The following THSD7B variants were observed in gnomAD, a reference collection of about 807,000 sequenced individuals.
THSD7B encodes the protein thrombospondin type-1 domain-containing protein 7B.
A neutral mutation model predicts 213.6 loss-of-function variants in THSD7B; 138 were observed. The ratio of observed to expected loss-of-function variants is 0.65; its 90% CI spans 0.56 to 0.74. The LOEUF (loss-of-function observed/expected upper bound fraction) is 0.74, where lower values mean the gene tolerates loss of function less well. THSD7B is among the 30% of genes least tolerant of loss of function. THSD7B has a pLI of 0.00. For synonymous variants in THSD7B, 742 were observed against 687.0 expected (o/e 1.08, Z -1.25); for missense variants, 1,931 against 1,991.5 (o/e 0.97, Z 0.58).
intron 2 of THSD7B, among the ~76,000 whole-genome samples, chr2:136,888,558 G>A (rs936552615): frequency 1.3e-5 from 2 of 151,966 alleles, no homozygotes; most frequent in African/African-American, 4.8e-5. Context: ...TTTTACTTAT[G>A]TTGACATCAT....
At chr2:137,631,842 C>T (rs7581430) in intron 20 of THSD7B, among the ~76,000 whole-genome samples, 42,208 of 151,872 alleles carry the variant, frequency 0.28, 6,205 homozygotes, top group African/African-American at 0.34. Flanking sequence ...GATGTCGGAC[C>T]ACTCACTCAT....
rs947234822 is a variant in THSD7B, at chr2:136,814,240, A to G, written c.-36+48553A>G. Among the ~76,000 whole-genome samples the G allele has an allele frequency of 7.9e-5, 12 of 152,314 alleles. No homozygotes were observed. The South Asian group carries it at 1.9e-3, about 24-fold the overall frequency. On this transcript the variant is annotated intron_variant, in intron 1 of 27. Transcript: ENST00000409968. ...AGTGGGTTTTAATGGGAATAAGTGG[A>G]AAAGTAAAAGCTCTGTTATACACTC... is the stretch of plus-strand genomic sequence containing the variant.
chr2:137,060,436 C>T (rs1687249967), intron 3 of THSD7B, among the ~76,000 whole-genome samples: 1 of 151,356 alleles, frequency 6.6e-6, no homozygotes, highest in East Asian at 1.9e-4. Context: ...ATCACTAAAC[C>T]CAAAGTCAAC....
chr2:137,309,803 A>T (rs548876546), intron 12 of THSD7B, among the ~76,000 whole-genome samples: 1 of 152,150 alleles, frequency 6.6e-6, no homozygotes, highest in East Asian at 1.9e-4. Flanking sequence ...GATGATTTCC[A>T]ATTTCATCCA....
intron 17 of THSD7B, among the ~76,000 whole-genome samples, chr2:137,585,169 G>A (rs1362213717): frequency 1.3e-5 from 2 of 152,044 alleles, no homozygotes; most frequent in African/African-American, 4.8e-5. Flanking sequence ...GTATTTCTGT[G>A]GGATCAGTGG....
chr2:137,173,827 T>C (rs1680311985), intron 7 of THSD7B, among the ~76,000 whole-genome samples: 1 of 152,206 alleles, frequency 6.6e-6, no homozygotes, highest in African/African-American at 2.4e-5. Flanking sequence ...GTGCTCCTGT[T>C]TGACTCCTAC....
intron 7 of THSD7B, among the ~76,000 whole-genome samples, chr2:137,209,641 T>C (rs1681057964): frequency 6.6e-6 from 1 of 152,138 alleles, no homozygotes; most frequent in African/African-American, 2.4e-5. Context: ...ATCATTCCAA[T>C]GATGCCTAAT....
At chr2:137,617,993 T>C (rs1682439810) in intron 18 of THSD7B, among the ~76,000 whole-genome samples, 1 of 152,162 alleles carries the variant, frequency 6.6e-6, no homozygotes, top group Non-Finnish European at 1.5e-5. Context: ...TTTGCAGGGG[T>C]ACACAAACAT....
At chr2:136,940,442 C>T (rs1439739699) in intron 2 of THSD7B, among the ~76,000 whole-genome samples, 1 of 151,822 alleles carries the variant, frequency 6.6e-6, no homozygotes, top group Non-Finnish European at 1.5e-5. Context: ...TTTGATAAAG[C>T]CTTAATATTT....
At chr2:137,067,822 C>T (rs1406290749) in intron 3 of THSD7B, among the ~76,000 whole-genome samples, 1 of 152,026 alleles carries the variant, frequency 6.6e-6, no homozygotes, top group Non-Finnish European at 1.5e-5. Flanking sequence ...TTCAAAATGC[C>T]TACTTTTCCT....
At chr2:137,163,587 C>T (rs1312124170) in intron 6 of THSD7B, among the ~76,000 whole-genome samples, 2 of 152,218 alleles carry the variant, frequency 1.3e-5, no homozygotes, top group African/African-American at 2.4e-5. Flanking sequence ...AGGCATGGCA[C>T]AGATTCTTCT....
chr2:137,309,622 C>T (rs759460064), intron 12 of THSD7B, among the ~76,000 whole-genome samples: 2 of 152,038 alleles, frequency 1.3e-5, no homozygotes, highest in Non-Finnish European at 2.9e-5. Context: ...CGTCATCTAG[C>T]ATTAGGTATA....
At chr2:136,870,814 C>G (rs1683419982) in intron 1 of THSD7B, among the ~76,000 whole-genome samples, 4 of 152,136 alleles carry the variant, frequency 2.6e-5, no homozygotes, top group Admixed American at 2.6e-4. Context: ...AGATTTTATC[C>G]TGTGATTGAA....
intron 12 of THSD7B, among the ~76,000 whole-genome samples, chr2:137,372,995 A>G (rs1049068847): frequency 5.9e-4 from 90 of 151,650 alleles, no homozygotes; most frequent in Admixed American, 1.2e-3. Context: ...ATGATTTCCA[A>G]TTTCATCCAT....
intron 7 of THSD7B, among the ~76,000 whole-genome samples, chr2:137,188,669 T>G (rs1471921120): frequency 2.0e-5 from 3 of 152,186 alleles, no homozygotes; most frequent in Non-Finnish European, 2.9e-5. Flanking sequence ...TGACACTTTG[T>G]GGAATTGTTT....
Position 136,968,061 on chromosome 2 carries a change from A to T in THSD7B, c.139+85744A>T, listed in dbSNP as rs149930948. Among the ~76,000 whole-genome samples the T allele has an allele frequency of 5.7e-3, 868 of 152,270 alleles. 8 individuals carry two copies. The highest frequency in any genetic ancestry group is 0.019 in the African/African-American group (796 of 41,560). The stretch of plus-strand genomic sequence containing the variant: ...TGTTTTCATTTTTATTATTACAAAC[A>T]GTGCTGCTCTGAACATTTTATGACT... On this transcript the variant is annotated intron_variant, in intron 2 of 27. Transcript: ENST00000409968.
intron 12 of THSD7B, among the ~76,000 whole-genome samples, chr2:137,349,273 T>G (rs373702356): frequency 6.6e-6 from 1 of 151,792 alleles, no homozygotes; most frequent in East Asian, 1.9e-4. Flanking sequence ...TTTGTGATTT[T>G]TAACAGCATT....
chr2:136,946,241 G>A (rs1261560013), intron 2 of THSD7B, among the ~76,000 whole-genome samples: 3 of 152,190 alleles, frequency 2.0e-5, no homozygotes, highest in Non-Finnish European at 4.4e-5. Context: ...GTCTGTTGGA[G>A]TGTGCTGGAG....
chr2:137,589,892 A>G (rs1312438517), intron 17 of THSD7B, among the ~76,000 whole-genome samples: 1 of 152,196 alleles, frequency 6.6e-6, no homozygotes, highest in Non-Finnish European at 1.5e-5. Flanking sequence ...TTAGATTGAG[A>G]TCATTTATGA....
Sources: allele counts gnomAD v4.1 joint callset (sites outside exome capture counted in the v4.1 genomes callset), GRCh38; gene constraint gnomAD v4.1.1; transcripts MANE v1.5; gene names NCBI Gene and HGNC (gene_info 2026-07-23, HGNC 2026-07-21).